Variants in RORA observed in about 807,000 individuals in gnomAD.
The protein encoded by RORA is RAR related orphan receptor A.
In RORA, 7 loss-of-function variants were observed where a neutral mutation model predicts 69.5. The ratio of observed to expected loss-of-function variants is 0.10; its 90% CI spans 0.06 to 0.19. The LOEUF is 0.19. Ranked by LOEUF, RORA falls within the 10% of genes least tolerant of loss-of-function variation. The pLI is 1.00. For synonymous variants in RORA, 261 were observed against 240.8 expected (o/e 1.08, Z -0.78); for missense variants, 457 against 663.0 (o/e 0.69, Z 3.41).
At chr15:60,906,722 T>C (rs1396638352) in intron 1 of RORA, among the ~76,000 whole-genome samples, 1 of 152,220 alleles carries the variant, frequency 6.6e-6, no homozygotes, top group Non-Finnish European at 1.5e-5. Flanking sequence ...GAAATCTTAC[T>C]GATAGCTTGG....
chr15:60,507,796 C>T (rs1446396973), intron 5 of RORA, among the ~76,000 whole-genome samples: 1 of 152,116 alleles, frequency 6.6e-6, no homozygotes, highest in African/African-American at 2.4e-5. Flanking sequence ...GGGGGGGATG[C>T]TGTGGAGTGA....
chr15:61,076,529 C>T (rs2078452675), intron 1 of RORA, among the ~76,000 whole-genome samples: 1 of 152,218 alleles, frequency 6.6e-6, no homozygotes, highest in Non-Finnish European at 1.5e-5. Context: ...TGTAGACATG[C>T]ATAGAAAGAT....
At chr15:61,165,164 T>A (rs1398091906) in intron 1 of RORA, among the ~76,000 whole-genome samples, 3 of 152,136 alleles carry the variant, frequency 2.0e-5, no homozygotes, top group African/African-American at 7.3e-5. Context: ...TTCACCTTCC[T>A]GCTGCCTCAA....
rs566998205 is a variant in RORA at position 60,674,758 on chromosome 15, T to C, written c.196+3899A>G. 8.5e-5 allele frequency among the ~76,000 whole-genome samples: 13 copies of C among 152,302 alleles called. No homozygotes were observed. The South Asian group carries it at 2.1e-3, about 24-fold the overall frequency. ...GAGGCGTATCTTGTTTGGGTTTTTA[T>C]TGGGGAAAATTAACAACTCAAGTTG... On this transcript the variant is annotated intron_variant, in intron 2 of 10. Transcript: ENST00000335670.
chr15:60,764,409 C>A (rs957314253), intron 1 of RORA, among the ~76,000 whole-genome samples: 3 of 152,006 alleles, frequency 2.0e-5, no homozygotes, highest in Admixed American at 6.6e-5. Flanking sequence ...TTAGGGTTCT[C>A]TCAGCTCGAA....
chr15:60,726,710 G>A (rs2071361729), intron 1 of RORA, among the ~76,000 whole-genome samples: 1 of 152,154 alleles, frequency 6.6e-6, no homozygotes. Context: ...TGGGTATGCG[G>A]GGAGACTAAA....
rs529796022 is a variant in RORA at position 61,196,856 on chromosome 15, T to C, written c.166+32197A>G. Among the ~76,000 whole-genome samples, 7 of 152,368 alleles carry C rather than the reference T, an allele frequency of 4.6e-5. No homozygotes were observed. In the East Asian group the frequency reaches 1.3e-3, roughly 29 times the overall value. On this transcript the variant is annotated intron_variant, in intron 1 of 10. Coordinates refer to ENST00000335670, the MANE Select transcript of RORA (RefSeq NM_134261.3). Reference sequence around the variant, plus strand: ...CATCAAACGGAGGGCTGCTTTTTCCTGATCTCTTTGAGCACCGTGTTTGGA... The same window carrying C: ...CATCAAACGGAGGGCTGCTTTTTCCCGATCTCTTTGAGCACCGTGTTTGGA...
At chr15:60,931,767 C>T (rs1413062538) in intron 1 of RORA, among the ~76,000 whole-genome samples, 2 of 152,252 alleles carry the variant, frequency 1.3e-5, no homozygotes, top group African/African-American at 2.4e-5. Flanking sequence ...CCTCAGCCTT[C>T]TCCCTAAGCT....
At chr15:60,798,669 CT>C (rs1304223310) in intron 1 of RORA, among the ~76,000 whole-genome samples, 1 of 152,036 alleles carries the variant, frequency 6.6e-6, no homozygotes, top group Non-Finnish European at 1.5e-5. Flanking sequence ...CCCTCTCACC[CT>C]AACAGGCAGC....
intron 4 of RORA, among the ~76,000 whole-genome samples, chr15:60,514,329 C>A (rs1336467275): frequency 6.6e-6 from 1 of 152,136 alleles, no homozygotes; most frequent in Non-Finnish European, 1.5e-5. Context: ...ATCGACCCAC[C>A]TATAATGGCT....
intron 1 of RORA, among the ~76,000 whole-genome samples, chr15:60,769,121 C>T (rs1290026911): frequency 6.6e-6 from 1 of 152,148 alleles, no homozygotes; most frequent in Non-Finnish European, 1.5e-5. Flanking sequence ...AAAGAAGGGC[C>T]ACCCCTTTCC....
intron 1 of RORA, among the ~76,000 whole-genome samples, chr15:61,113,107 G>C (rs1414896102): frequency 6.6e-6 from 1 of 152,368 alleles, no homozygotes; most frequent in Non-Finnish European, 1.5e-5. Context: ...GGGCTGTGCT[G>C]CATCTGGCTC....
At chr15:60,530,186 A>G (rs1015677559) in intron 3 of RORA, 4 of 152,308 alleles carry the variant, frequency 2.6e-5, no homozygotes, top group African/African-American at 9.6e-5. Context: ...CAGCCAAATC[A>G]GCTCCAAAAA....
chr15:61,079,041 T>A (rs1182612754), intron 1 of RORA, among the ~76,000 whole-genome samples: 2 of 152,146 alleles, frequency 1.3e-5, no homozygotes, highest in Admixed American at 1.3e-4. Flanking sequence ...TAAGTCCACA[T>A]GCCTCCCACT....
At chr15:60,548,594 C>T (rs1181739429) in intron 2 of RORA, among the ~76,000 whole-genome samples, 3 of 152,132 alleles carry the variant, frequency 2.0e-5, no homozygotes, top group Non-Finnish European at 2.9e-5. Context: ...CTGGGAGGCA[C>T]GAAGTATAAC....
intron 2 of RORA, among the ~76,000 whole-genome samples, chr15:60,592,168 C>G (rs2068539171): frequency 6.6e-6 from 1 of 151,986 alleles, no homozygotes; most frequent in Non-Finnish European, 1.5e-5. Context: ...GGGATCCACC[C>G]CGTGCGCCTT....
intron 1 of RORA, among the ~76,000 whole-genome samples, chr15:60,785,033 C>G (rs1187142098): frequency 6.6e-6 from 1 of 152,204 alleles, no homozygotes; most frequent in African/African-American, 2.4e-5. Context: ...AGGCAGCTGT[C>G]AGCATGCTTC....
intron 1 of RORA, among the ~76,000 whole-genome samples, chr15:61,079,390 T>A (rs2078503472): frequency 6.6e-6 from 1 of 152,224 alleles, no homozygotes; most frequent in Non-Finnish European, 1.5e-5. Flanking sequence ...ATTGAGTTTA[T>A]AAAGCTTTCT....
At chr15:60,707,551 G>C (rs1457021087) in intron 1 of RORA, among the ~76,000 whole-genome samples, 1 of 151,910 alleles carries the variant, frequency 6.6e-6, no homozygotes, top group Non-Finnish European at 1.5e-5. Context: ...TTTTAGTAGA[G>C]ATGGGGTTTC....
Sources: gnomAD v4.1 joint callset for allele counts (sites outside exome capture counted in the v4.1 genomes callset) on GRCh38, gnomAD v4.1.1 for gene constraint, MANE v1.5 for transcripts, NCBI Gene and HGNC (gene_info 2026-07-23, HGNC 2026-07-21) for gene names.